CHCHD6: variants seen among roughly 807,000 people sequenced by gnomAD.
CHCHD6 encodes MICOS complex subunit MIC25.
A neutral mutation model predicts 32.3 loss-of-function variants in CHCHD6; 28 were observed. That is an observed-to-expected ratio of 0.87 (90% CI 0.64 to 1.19). The LOEUF (loss-of-function observed/expected upper bound fraction) is 1.19, where lower values mean the gene tolerates loss of function less well. Ranked by LOEUF, CHCHD6 falls within the 50% of genes most tolerant of loss-of-function variation. The pLI, the probability that CHCHD6 is intolerant of heterozygous loss-of-function variation, is 0.00. For missense variants in CHCHD6, 333 were observed against 307.0 expected (o/e 1.08, Z -0.63); for synonymous variants, 122 against 117.5 (o/e 1.04, Z -0.25).
At chr3:126,906,901 C>T (rs115697633) in intron 5 of CHCHD6, among the ~76,000 whole-genome samples, 2,176 of 152,310 alleles carry the variant, frequency 0.014, 28 homozygotes, top group Non-Finnish European at 0.022. Context: ...GAGTCATCAT[C>T]CATGTCACAG....
intron 4 of CHCHD6, among the ~76,000 whole-genome samples, chr3:126,818,227 C>A (rs1014364639): frequency 1.3e-5 from 2 of 152,048 alleles, no homozygotes; most frequent in African/African-American, 4.8e-5. Flanking sequence ...CAGTATTTTC[C>A]ACCTTTTAAA....
chr3:126,793,578 T>TGA (rs1326201942), intron 4 of CHCHD6, among the ~76,000 whole-genome samples: 1 of 152,138 alleles, frequency 6.6e-6, no homozygotes, highest in East Asian at 1.9e-4. Context: ...CATCAGACAG[T>TGA]GACACAATTT....
In CHCHD6 at chr3:126,747,044, C is replaced by T. The variant is rs1402545896; in HGVS notation, c.411+13822C>T. 2.0e-5 allele frequency among the ~76,000 whole-genome samples: 3 copies of T among 152,150 alleles called. No individual in the cohort carries two copies. In the East Asian group the frequency reaches 5.8e-4, roughly 29 times the overall value. ...AGTTGTCTGGCCCTGGGTTTTTTGCCCCGATCTCAGCTTTCATGGCTGTGT... is the reference window on the plus strand; with the variant it reads ...AGTTGTCTGGCCCTGGGTTTTTTGCTCCGATCTCAGCTTTCATGGCTGTGT... On this transcript the variant is annotated intron_variant, in intron 4 of 7. Coordinates refer to ENST00000290913, the MANE Select transcript of CHCHD6 (RefSeq NM_032343.3).
chr3:126,744,434 G>A (rs78479206), intron 4 of CHCHD6, among the ~76,000 whole-genome samples: 2,892 of 152,266 alleles, frequency 0.019, 96 homozygotes, highest in African/African-American at 0.066. Flanking sequence ...AGAAAAGTCC[G>A]ATTCTTTCCC....
intron 6 of CHCHD6, among the ~76,000 whole-genome samples, chr3:126,922,719 G>A (rs908969309): frequency 6.7e-6 from 1 of 150,374 alleles, no homozygotes; most frequent in African/African-American, 2.4e-5. Context: ...GTATGTGTAT[G>A]TGTGTGTGTG....
At chr3:126,721,059 C>T (rs755885967) in intron 1 of CHCHD6, among the ~76,000 whole-genome samples, 3 of 152,178 alleles carry the variant, frequency 2.0e-5, no homozygotes, top group Non-Finnish European at 2.9e-5. Flanking sequence ...GCAAATTATT[C>T]CACGAACTTG....
intron 5 of CHCHD6, among the ~76,000 whole-genome samples, chr3:126,863,518 TCCA>T (rs1942054705): frequency 8.0e-6 from 1 of 125,676 alleles, no homozygotes; most frequent in East Asian, 2.7e-4. Context: ...CACCTCCTCC[TCCA>T]CCATCACCAC....
chr3:126,825,099 T>G (rs902767428), intron 4 of CHCHD6, among the ~76,000 whole-genome samples: 2 of 152,212 alleles, frequency 1.3e-5, no homozygotes, highest in Non-Finnish European at 2.9e-5. Context: ...TTCCACAATT[T>G]GGTATATCAC....
chr3:126,772,345 G>A (rs770471326), intron 4 of CHCHD6, among the ~76,000 whole-genome samples: 17 of 152,128 alleles, frequency 1.1e-4, no homozygotes, highest in Admixed American at 2.0e-4. Context: ...TCGTCCGCCT[G>A]CTTCAGCCTC....
chr3:126,892,661 T>G (rs1468858713), intron 5 of CHCHD6, among the ~76,000 whole-genome samples: 1 of 152,216 alleles, frequency 6.6e-6, no homozygotes, highest in Non-Finnish European at 1.5e-5. Context: ...AAACCCCCCC[T>G]TCTCCAGACT....
intron 4 of CHCHD6, among the ~76,000 whole-genome samples, chr3:126,785,872 C>A (rs1429243378): frequency 6.6e-6 from 1 of 152,104 alleles, no homozygotes; most frequent in Non-Finnish European, 1.5e-5. Flanking sequence ...TACATGTGCA[C>A]AACGTGCAGG....
chr3:126,874,199 C>T (rs532586052), intron 5 of CHCHD6, among the ~76,000 whole-genome samples: 1 of 152,318 alleles, frequency 6.6e-6, no homozygotes, highest in African/African-American at 2.4e-5. Context: ...GTGTGCCTTA[C>T]CACTTACTCT....
intron 4 of CHCHD6, chr3:126,767,313 C>T (rs777272337): frequency 1.0e-5 from 11 of 1,069,590 alleles, no homozygotes; most frequent in African/African-American, 7.7e-5. Context: ...AACGCAAACA[C>T]GGAGCCCATT....
At position 126,745,541 on chromosome 3, in the gene CHCHD6, G is replaced by A. The variant is rs560396407; in HGVS notation, c.411+12319G>A. ...AGAGGAGCTACACGGGTGACTAATA[G>A]AGTCTAAAGGATAGAAGTGGGTAGT... On this transcript the variant is annotated intron_variant, in intron 4 of 7. Coordinates refer to ENST00000290913, the MANE Select transcript of CHCHD6 (RefSeq NM_032343.3). Among the ~76,000 whole-genome samples the A allele has an allele frequency of 2.0e-4, 30 of 152,284 alleles. No individual in the cohort carries two copies. In the South Asian group the frequency reaches 6.0e-3, roughly 31 times the overall value.
chr3:126,738,505 G>A (rs1212492185), intron 4 of CHCHD6, among the ~76,000 whole-genome samples: 1 of 152,148 alleles, frequency 6.6e-6, no homozygotes, highest in Non-Finnish European at 1.5e-5. Flanking sequence ...TTATTGTCTT[G>A]TTCCTCAGAT....
intron 4 of CHCHD6, among the ~76,000 whole-genome samples, chr3:126,771,885 C>G (rs571948219): frequency 6.6e-6 from 1 of 152,298 alleles, no homozygotes; most frequent in South Asian, 2.1e-4. Context: ...TCCTTAATTT[C>G]ATTACTTACC....
chr3:126,720,376 A>C (rs1004411623), intron 1 of CHCHD6, among the ~76,000 whole-genome samples: 1 of 152,034 alleles, frequency 6.6e-6, no homozygotes. Flanking sequence ...AGGACACCCA[A>C]CCGGGGCTTC....
intron 7 of CHCHD6, among the ~76,000 whole-genome samples, chr3:126,958,355 T>C (rs578141488): frequency 1.3e-5 from 2 of 152,126 alleles, no homozygotes; most frequent in African/African-American, 4.8e-5. Flanking sequence ...GCGGCCTGTT[T>C]GTGAAAATGT....
At chr3:126,813,387 T>C (rs1431377492) in intron 4 of CHCHD6, among the ~76,000 whole-genome samples, 34 of 152,254 alleles carry the variant, frequency 2.2e-4, no homozygotes, top group Admixed American at 2.2e-3. Flanking sequence ...GGTACTTTGC[T>C]GTTTTAATAA....
Sources: gnomAD v4.1 joint callset for allele counts (sites outside exome capture counted in the v4.1 genomes callset) on GRCh38, gnomAD v4.1.1 for gene constraint, MANE v1.5 for transcripts, NCBI Gene and HGNC (gene_info 2026-07-23, HGNC 2026-07-21) for gene names.